Variants in NFASC observed in about 807,000 individuals in gnomAD.
NFASC encodes neurofascin, also known as neurofascin homolog.
Under a neutral mutation model 147.5 loss-of-function variants are expected in NFASC, and 43 were observed. The observed-to-expected ratio is 0.29, with a 90% confidence interval of 0.23 to 0.38. The LOEUF (loss-of-function observed/expected upper bound fraction) is 0.38, where lower values mean the gene tolerates loss of function less well. Among genes scored for constraint, NFASC ranks in the 10% least tolerant of loss-of-function variants. The pLI is 1.00. For missense variants in NFASC, 1,320 were observed against 1,689.0 expected (o/e 0.78, Z 3.83); for synonymous variants, 622 against 665.5 (o/e 0.93, Z 1.01).
intron 3 of NFASC, chr1:204,948,735 T>C (rs1172751210): frequency 1.9e-6 from 1 of 518,618 alleles, no homozygotes; most frequent in African/African-American, 1.9e-5. Flanking sequence ...GCTCTTTCCA[T>C]TGAGTCAGCC....
At chr1:204,877,603 A>T (rs569292182) in intron 1 of NFASC, among the ~76,000 whole-genome samples, 1 of 152,112 alleles carries the variant, frequency 6.6e-6, no homozygotes. Flanking sequence ...TAAGGTTTCT[A>T]TGGGGGTCCC....
At chr1:204,926,320 A>C (rs139441343) in intron 2 of NFASC, among the ~76,000 whole-genome samples, 2 of 147,508 alleles carry the variant, frequency 1.4e-5, no homozygotes, top group African/African-American at 5.1e-5. Flanking sequence ...TTCCTTTTCA[A>C]AGTATCACAG....
intron 2 of NFASC, among the ~76,000 whole-genome samples, chr1:204,921,284 A>T (rs1312282417): frequency 6.6e-6 from 1 of 151,344 alleles, no homozygotes; most frequent in Non-Finnish European, 1.5e-5. Context: ...ACTCCCAGCA[A>T]CTCCTGTTTT....
intron 1 of NFASC, among the ~76,000 whole-genome samples, chr1:204,920,394 A>G (rs1386199333): frequency 1.3e-5 from 2 of 151,032 alleles, no homozygotes; most frequent in African/African-American, 2.4e-5. Flanking sequence ...GATCTTACAG[A>G]TAAGAGAGAC....
At chr1:204,909,864 G>A (rs1222902604) in intron 1 of NFASC, among the ~76,000 whole-genome samples, 1 of 150,308 alleles carries the variant, frequency 6.7e-6, no homozygotes, top group Non-Finnish European at 1.5e-5. Flanking sequence ...ACTTGCTTTT[G>A]CATCTTTATC....
chr1:204,951,465 A>G (rs1222480011), intron 4 of NFASC, among the ~76,000 whole-genome samples: 2 of 138,364 alleles, frequency 1.4e-5, no homozygotes, highest in South Asian at 4.6e-4. Flanking sequence ...TGCCTGGCCT[A>G]TGGGATTTTT....
chr1:204,919,315 G>A lies in NFASC; in HGVS notation c.-199-1317G>A, dbSNP rs377684306. Among the ~76,000 whole-genome samples, 14 of 152,144 alleles carry A rather than the reference G, an allele frequency of 9.2e-5. No individual in the cohort carries two copies. The East Asian group carries it at 1.9e-3, about 21-fold the overall frequency. On this transcript the variant is annotated intron_variant, in intron 1 of 29. Coordinates refer to ENST00000339876, the MANE Select transcript of NFASC (RefSeq NM_001005388.3). ...GCTAGGATTACAGGCGTGAGCCACC[G>A]CACCTGGCCCCTGTAGGTCTTTTAA...
At chr1:204,831,249 C>T (rs974317136) in intron 1 of NFASC, among the ~76,000 whole-genome samples, 21 of 151,860 alleles carry the variant, frequency 1.4e-4, no homozygotes, top group East Asian at 7.7e-4. Flanking sequence ...AGAAAGAGTA[C>T]GGAGAAATAA....
chr1:205,007,536 TGATA>T (rs988224403), intron 27 of NFASC, among the ~76,000 whole-genome samples: 4 of 151,576 alleles, frequency 2.6e-5, no homozygotes, highest in Non-Finnish European at 5.9e-5. Context: ...AAATAGATAA[TGATA>T]GATCTATATA....
At chr1:204,959,500 G>A (rs2094568350) in intron 8 of NFASC, among the ~76,000 whole-genome samples, 1 of 152,234 alleles carries the variant, frequency 6.6e-6, no homozygotes, top group Non-Finnish European at 1.5e-5. Flanking sequence ...CAGGACCTCG[G>A]AGTGGCCTCA....
intron 1 of NFASC, among the ~76,000 whole-genome samples, chr1:204,833,371 G>T (rs985531939): frequency 1.3e-5 from 2 of 152,178 alleles, no homozygotes; most frequent in Non-Finnish European, 2.9e-5. Flanking sequence ...CAGGTGAGTT[G>T]CAGAGCTAGA....
rs142199898 is a variant in NFASC, at chr1:204,985,086, G to C, written c.2471-2332G>C. ...TGCACCCTTAACCTACTTGCTTAGA[G>C]ATTTTTCTGGCTAAAGCTTCCCCAT... On this transcript the variant is annotated intron_variant, in intron 21 of 29. Coordinates refer to ENST00000339876, the MANE Select transcript of NFASC (RefSeq NM_001005388.3). Among the ~76,000 whole-genome samples the C allele has an allele frequency of 2.2e-3, 335 of 152,342 alleles. 1 individual carries two copies. The highest frequency in any genetic ancestry group is 7.3e-3 in the African/African-American group (305 of 41,586).
chr1:204,874,287 C>T (rs938568479), intron 1 of NFASC, among the ~76,000 whole-genome samples: 36 of 152,348 alleles, frequency 2.4e-4, no homozygotes, highest in African/African-American at 8.7e-4. Flanking sequence ...CCTGCTGCCA[C>T]TCCCTTTTGT....
At chr1:204,980,017 A>G (rs1167896602) in intron 19 of NFASC, among the ~76,000 whole-genome samples, 2 of 152,246 alleles carry the variant, frequency 1.3e-5, no homozygotes, top group Non-Finnish European at 2.9e-5. Context: ...GTTAAATGCC[A>G]GGGATAAGCC....
intron 3 of NFASC, chr1:204,946,264 GAAGT>G: frequency 2.0e-6 from 1 of 490,948 alleles, no homozygotes; most frequent in Middle Eastern, 3.3e-4. Context: ...CATGCACCAG[GAAGT>G]GAGCTAAGTG....
rs2095632238 is a variant in NFASC, at chr1:204,987,154, T to C, written c.2471-264T>C. ...CATGTGCTGAATCCAGAGTAGTTGC[T>C]AGAAGAAAACCTGATTTACTTCTTC... On this transcript the variant is annotated intron_variant, in intron 21 of 29. Transcript: ENST00000339876. This position sits in a 1 kb window ranked among gnomAD's most constrained non-coding sequence, Gnocchi z 4.4. The C allele has an allele frequency of 1.9e-6, 1 of 523,756 alleles. No individual in the cohort carries two copies. The highest frequency in any genetic ancestry group is 1.9e-5 in the African/African-American group (1 of 52,488). 32.4% of individuals were successfully genotyped at this position (523,756 alleles called of 1,614,324 possible).
At chr1:204,948,197 T>C (rs1468627823) in intron 3 of NFASC, among the ~76,000 whole-genome samples, 1 of 152,250 alleles carries the variant, frequency 6.6e-6, no homozygotes, top group African/African-American at 2.4e-5. Context: ...GGAAGAGCTA[T>C]GGAATTCACT....
chr1:204,907,474 T>G (rs963344003), intron 1 of NFASC, among the ~76,000 whole-genome samples: 35 of 152,322 alleles, frequency 2.3e-4, no homozygotes, highest in Admixed American at 8.5e-4. Flanking sequence ...AGCCCCTCCC[T>G]GCCCCCTCAC....
At chr1:204,904,677 T>C (rs779314166) in intron 1 of NFASC, among the ~76,000 whole-genome samples, 3 of 152,238 alleles carry the variant, frequency 2.0e-5, no homozygotes, top group Non-Finnish European at 4.4e-5. Flanking sequence ...CAATTAGAGA[T>C]TTCTGAGATC....
Sources: gnomAD v4.1 joint callset for allele counts (sites outside exome capture counted in the v4.1 genomes callset) on GRCh38, gnomAD v4.1.1 for gene constraint, Gnocchi (gnomAD v3.1) non-coding constraint, MANE v1.5 for transcripts, NCBI Gene and HGNC (gene_info 2026-07-23, HGNC 2026-07-21) for gene names.